Variants in ABCB8 observed in about 807,000 individuals in gnomAD.
The protein encoded by ABCB8 is mitochondrial potassium channel ATP-binding subunit.
A neutral mutation model predicts 73.0 loss-of-function variants in ABCB8; 52 were observed. The observed-to-expected ratio is 0.71, with a 90% CI of 0.57 to 0.90. The LOEUF is 0.90. Ranked by LOEUF, ABCB8 falls within the 40% of genes least tolerant of loss-of-function variation. ABCB8 has a pLI of 0.00. For missense variants in ABCB8, 909 were observed against 974.6 expected, an observed-to-expected ratio of 0.93 and a Z score of 0.90; for synonymous variants, 428 against 423.5, an observed-to-expected ratio of 1.01 and a Z score of -0.13.
intron 12 of ABCB8, 55 bp from the exon 13 acceptor site, chr7:151,041,044 C>T (rs1796447175): frequency 2.5e-6 from 4 of 1,612,902 alleles, no homozygotes; most frequent in Non-Finnish European, 3.4e-6. Context: ...GGCCTTCTTT[C>T]CTGGGACAAT....
intron 13 of ABCB8, among the ~76,000 whole-genome samples, chr7:151,041,598 G>T (rs1329494533): frequency 3.9e-5 from 6 of 152,194 alleles, no homozygotes; most frequent in Non-Finnish European, 7.3e-5. Flanking sequence ...GCCCAGCGAG[G>T]GTCCACCCTT....
chr7:151,040,186 C>G, intron 9 of ABCB8, 82 bp from the exon 10 acceptor site: 1 of 1,528,488 alleles, frequency 6.5e-7, no homozygotes, highest in Non-Finnish European at 8.9e-7. Flanking sequence ...TTCCTTGCTC[C>G]CCCGCCCCAC....
chr7:151,034,834 G>A lies in ABCB8; in HGVS notation c.765+5G>A. 6.2e-7 allele frequency: 1 copy of A among 1,608,002 alleles called. No individual in the cohort carries two copies. ...TTCAAGCTTGTCATCTCCCAGGTCA[G>A]TGGCCCAGTGGCCCCCACCACGTCC... On this transcript the variant is annotated splice_donor_5th_base_variant and intron_variant, in intron 5 of 15. Transcript: ENST00000358849.
chr7:151,032,978 G>C (rs889361847), intron 1 of ABCB8: 1 of 456,296 alleles, frequency 2.2e-6, no homozygotes, highest in Non-Finnish European at 4.4e-6. Flanking sequence ...CTGCAGACTT[G>C]GTTCCCTGCT....
intron 1 of ABCB8, among the ~76,000 whole-genome samples, chr7:151,030,703 G>T (rs893149788): frequency 2.0e-5 from 3 of 152,248 alleles, no homozygotes; most frequent in African/African-American, 7.2e-5. Context: ...ACTTTGAGGG[G>T]CCGGGGCAGG....
chr7:151,028,822 G>A (rs768183779), intron 1 of ABCB8: 72 of 1,556,492 alleles, frequency 4.6e-5, no homozygotes, highest in Non-Finnish European at 6.1e-5. Flanking sequence ...GTCTGCAGCC[G>A]CGTGTCAGCC....
At chr7:151,029,678 A>G (rs1224535420) in intron 1 of ABCB8, 2 of 151,970 alleles carry the variant, frequency 1.3e-5, no homozygotes, top group Non-Finnish European at 2.9e-5. Flanking sequence ...TAATGTTTGT[A>G]TTTTTAGTAG....
At chr7:151,037,253 T>C in intron 9 of ABCB8, 1 of 703,056 alleles carries the variant, frequency 1.4e-6, no homozygotes, top group Non-Finnish European at 2.6e-6. Context: ...TCCTCCGTGT[T>C]GCACCCTGTC....
In ABCB8 at chr7:151,031,212, T is replaced by A. The variant is rs199866661; in HGVS notation, c.96-2393T>A. ...TTATGTACCGGAGTTCTGCCAGTGC[T>A]GTCTAAGATATAATTTCCTGCCTTT... On this transcript the variant is annotated intron_variant, in intron 1 of 15. Coordinates refer to ENST00000358849, the MANE Select transcript of ABCB8 (RefSeq NM_007188.5). The A allele has an allele frequency of 9.3e-4, 1,277 of 1,379,022 alleles. 4 individuals carry two copies. The Middle Eastern group carries it at 0.016, about 17-fold the overall frequency. The allele number at this position is 1,379,022 out of a possible 1,614,324, so 85.4% of individuals were successfully genotyped here.
At chr7:151,032,863 G>A (rs917040379) in intron 1 of ABCB8, 4 of 368,240 alleles carry the variant, frequency 1.1e-5, no homozygotes, top group Non-Finnish European at 2.2e-5. Flanking sequence ...GGGAGTGTGT[G>A]TCATGGCGCC....
chr7:151,033,588 C>T lies in ABCB8; in HGVS notation c.96-17C>T. The T allele has an allele frequency of 1.3e-6, 2 of 1,535,202 alleles. No homozygotes were observed. Among genetic ancestry groups the T allele is most frequent in the African/African-American group, 2.7e-5 (2 of 72,918 alleles). On this transcript the variant is annotated splice_polypyrimidine_tract_variant and intron_variant, in intron 1 of 15. Coordinates refer to ENST00000358849, the MANE Select transcript of ABCB8 (RefSeq NM_007188.5). Reference sequence around the variant, plus strand: ...CAGTCGGAGCCTCAAGCCATCCATGCCTCTCTCTCCTTACAGGTACTCTGA... The same window carrying T: ...CAGTCGGAGCCTCAAGCCATCCATGTCTCTCTCTCCTTACAGGTACTCTGA...
intron 9 of ABCB8, chr7:151,037,433 AC>A: frequency 1.5e-6 from 1 of 665,946 alleles, no homozygotes; most frequent in Non-Finnish European, 2.7e-6. Context: ...GTCCAAAACC[AC>A]CCGCTCAGCT....
chr7:151,035,231 G>A (rs934351728), intron 5 of ABCB8, among the ~76,000 whole-genome samples: 1 of 152,198 alleles, frequency 6.6e-6, no homozygotes. Flanking sequence ...CACCGACTCT[G>A]ACTGCTGGAT....
intron 10 of ABCB8, 47 bp downstream of exon 10, chr7:151,040,348 G>C (rs547764094): frequency 6.2e-7 from 1 of 1,607,152 alleles, no homozygotes; most frequent in Admixed American, 1.7e-5. Context: ...AGTTTGTGCC[G>C]TGTGTGCCGC....
At chr7:151,029,986 G>A (rs1447117681) in intron 1 of ABCB8, among the ~76,000 whole-genome samples, 2 of 152,182 alleles carry the variant, frequency 1.3e-5, no homozygotes, top group African/African-American at 2.4e-5. Context: ...TCTTGGCAAC[G>A]ACCAAGACTT....
intron 14 of ABCB8, among the ~76,000 whole-genome samples, chr7:151,043,129 T>A (rs1796512496): frequency 6.6e-6 from 1 of 152,232 alleles, no homozygotes; most frequent in Non-Finnish European, 1.5e-5. Flanking sequence ...GTTTGGGTGC[T>A]GGATGTTCCC....
intron 9 of ABCB8, 153 bp from the exon 10 acceptor site, chr7:151,040,115 C>T (rs771340307): frequency 2.4e-6 from 2 of 829,792 alleles, no homozygotes; most frequent in Non-Finnish European, 3.8e-6. Context: ...TTGCTACGTC[C>T]CAGGGCTCTA....
intron 10 of ABCB8, 85 bp downstream of exon 10, chr7:151,040,386 G>T: frequency 6.3e-7 from 1 of 1,591,652 alleles, no homozygotes; most frequent in Non-Finnish European, 8.6e-7. Flanking sequence ...GACTGGGTGT[G>T]GGCGGGCAGA....
intron 2 of ABCB8, 72 bp downstream of exon 2, chr7:151,033,989 C>T (rs2117211264): frequency 6.8e-7 from 1 of 1,474,812 alleles, no homozygotes; most frequent in Non-Finnish European, 9.0e-7. Flanking sequence ...GGCATTCCTG[C>T]CTCGCTGCCT....
Sources: gnomAD v4.1 joint callset for allele counts (sites outside exome capture counted in the v4.1 genomes callset) on GRCh38, gnomAD v4.1.1 for gene constraint, MANE v1.5 for transcripts, NCBI Gene and HGNC (gene_info 2026-07-23, HGNC 2026-07-21) for gene names.